Variants in LSAMP observed in about 807,000 individuals in gnomAD.
The protein encoded by LSAMP is limbic system-associated membrane protein.
LSAMP carries 7 observed loss-of-function variants against 38.6 expected under a neutral mutation model. That is an observed-to-expected ratio of 0.18 (90% CI 0.10 to 0.34). The LOEUF (loss-of-function observed/expected upper bound fraction) is 0.34. Ranked by LOEUF, LSAMP falls within the 10% of genes least tolerant of loss-of-function variation. The pLI is 1.00. For missense variants in LSAMP, 313 were observed against 420.0 expected, an observed-to-expected ratio of 0.75 and a Z score of 2.23; for synonymous variants, 154 against 166.8, an observed-to-expected ratio of 0.92 and a Z score of 0.59.
intron 1 of LSAMP, among the ~76,000 whole-genome samples, chr3:116,299,470 C>A (rs1334668319): frequency 6.6e-6 from 1 of 152,216 alleles, no homozygotes; most frequent in Non-Finnish European, 1.5e-5. Context: ...ACTATGCCTT[C>A]AGAAATACTT....
chr3:116,082,805 A>G (rs1452355445), intron 2 of LSAMP, among the ~76,000 whole-genome samples: 1 of 152,156 alleles, frequency 6.6e-6, no homozygotes, highest in Admixed American at 6.5e-5. Context: ...CAAATACCAC[A>G]GGTTCTCACT....
At chr3:115,855,336 A>G (rs546361892) in intron 3 of LSAMP, among the ~76,000 whole-genome samples, 2 of 152,362 alleles carry the variant, frequency 1.3e-5, no homozygotes, top group South Asian at 4.1e-4. Context: ...TTACATACCA[A>G]TATAAGTATT....
chr3:116,216,856 AATAG>A (rs1379124938), intron 1 of LSAMP, among the ~76,000 whole-genome samples: 1 of 152,216 alleles, frequency 6.6e-6, no homozygotes, highest in African/African-American at 2.4e-5. Flanking sequence ...CTACTTTGGA[AATAG>A]ATCGTGTTCA....
chr3:116,189,653 A>G (rs545785448), intron 1 of LSAMP, among the ~76,000 whole-genome samples: 2 of 152,276 alleles, frequency 1.3e-5, no homozygotes, highest in East Asian at 1.9e-4. Flanking sequence ...AGGTCCTACA[A>G]TGCATTTTGG....
intron 2 of LSAMP, among the ~76,000 whole-genome samples, chr3:116,043,916 C>T (rs1941234324): frequency 6.6e-6 from 1 of 152,110 alleles, no homozygotes; most frequent in African/African-American, 2.4e-5. Flanking sequence ...GCTGCACTCC[C>T]GCCTGGGCGA....
At chr3:116,127,052 A>G (rs866527662) in intron 1 of LSAMP, among the ~76,000 whole-genome samples, 19 of 152,346 alleles carry the variant, frequency 1.2e-4, no homozygotes, top group Middle Eastern at 6.8e-3. Flanking sequence ...ATTTATGTCT[A>G]TAAAATTCTC....
chr3:116,187,637 C>T (rs1408648441), intron 1 of LSAMP, among the ~76,000 whole-genome samples: 1 of 152,094 alleles, frequency 6.6e-6, no homozygotes, highest in Non-Finnish European at 1.5e-5. Flanking sequence ...AGATATTACA[C>T]AGTAAGGTAC....
intron 1 of LSAMP, among the ~76,000 whole-genome samples, chr3:116,100,987 T>G (rs1304796472): frequency 6.6e-6 from 1 of 152,240 alleles, no homozygotes; most frequent in Non-Finnish European, 1.5e-5. Context: ...TCTCAGCTTA[T>G]GCTAGCATTT....
At chr3:115,942,447 G>A (rs1350576477) in intron 3 of LSAMP, among the ~76,000 whole-genome samples, 1 of 152,122 alleles carries the variant, frequency 6.6e-6, no homozygotes, top group Non-Finnish European at 1.5e-5. Flanking sequence ...TCCTCTCTAA[G>A]CTGATAATTA....
chr3:115,882,611 T>C (rs893900192), intron 3 of LSAMP, among the ~76,000 whole-genome samples: 1 of 152,126 alleles, frequency 6.6e-6, no homozygotes, highest in Non-Finnish European at 1.5e-5. Context: ...ACTATTTAAG[T>C]ACTCTTGTTA....
intron 1 of LSAMP, among the ~76,000 whole-genome samples, chr3:116,442,919 T>A (rs934419106): frequency 3.9e-5 from 6 of 152,264 alleles, no homozygotes; most frequent in Non-Finnish European, 8.8e-5. Context: ...TGCCTCTGTA[T>A]GAAAGCATAA....
intron 1 of LSAMP, among the ~76,000 whole-genome samples, chr3:116,425,863 C>T (rs2049187950): frequency 8.8e-6 from 1 of 113,204 alleles, no homozygotes; most frequent in Non-Finnish European, 2.1e-5. Context: ...AAAAACCATA[C>T]ATCCTAAAGC....
At chr3:116,210,035 TG>T (rs1339416196) in intron 1 of LSAMP, among the ~76,000 whole-genome samples, 1 of 152,192 alleles carries the variant, frequency 6.6e-6, no homozygotes, top group Non-Finnish European at 1.5e-5. Context: ...ATTACAGGCC[TG>T]AGCCACTGAG....
At chr3:116,164,455 G>A (rs1161517798) in intron 1 of LSAMP, among the ~76,000 whole-genome samples, 1 of 149,618 alleles carries the variant, frequency 6.7e-6, no homozygotes, top group East Asian at 2.0e-4. Flanking sequence ...AAAAGCAATG[G>A]CAAAAACCAC....
At chr3:115,944,371 C>T (rs1169475995) in intron 3 of LSAMP, among the ~76,000 whole-genome samples, 2 of 152,098 alleles carry the variant, frequency 1.3e-5, no homozygotes, top group Non-Finnish European at 2.9e-5. Context: ...TCATGTTTCA[C>T]ATTGAACCTT....
chr3:116,123,311 G>A lies in LSAMP; in HGVS notation c.156-36755C>T, dbSNP rs549592644. On this transcript the variant is annotated intron_variant, in intron 1 of 6. Transcript: ENST00000490035. ...GGAGGCCATGACACCTCCTCCAGTC[G>A]TGGGCCACAGCCAGAACATTTTTTG... 4.6e-5 allele frequency among the ~76,000 whole-genome samples: 7 copies of A among 152,298 alleles called. No homozygotes were observed. In the East Asian group the frequency reaches 7.7e-4, roughly 17 times the overall value.
chr3:116,164,644 T>TAA (rs1709992610), intron 1 of LSAMP, among the ~76,000 whole-genome samples: 15 of 113,614 alleles, frequency 1.3e-4, no homozygotes, highest in Non-Finnish European at 2.6e-4. Context: ...TATATATATA[T>TAA]AATCCAAATA....
intron 1 of LSAMP, among the ~76,000 whole-genome samples, chr3:116,442,183 T>C (rs75409667): frequency 0.058 from 8,763 of 152,244 alleles, 272 homozygotes; most frequent in Non-Finnish European, 0.07. Context: ...AAGAAACTCT[T>C]GTTTCACAGA....
chr3:115,971,099 C>A (rs1177508913), intron 3 of LSAMP, among the ~76,000 whole-genome samples: 6 of 152,064 alleles, frequency 3.9e-5, no homozygotes, highest in African/African-American at 1.4e-4. Context: ...AAGGATTAAT[C>A]CTAGCATGGA....
Sources: gnomAD v4.1 joint callset for allele counts (sites outside exome capture counted in the v4.1 genomes callset) on GRCh38, gnomAD v4.1.1 for gene constraint, MANE v1.5 for transcripts, NCBI Gene and HGNC (gene_info 2026-07-23, HGNC 2026-07-21) for gene names.